DPYD: variants seen among roughly 807,000 people sequenced by gnomAD.
The protein encoded by DPYD is dihydropyrimidine dehydrogenase [NADP(+)].
Under a neutral mutation model 116.2 loss-of-function variants are expected in DPYD, and 109 were observed. The observed-to-expected ratio is 0.94, with a 90% CI of 0.80 to 1.10. The LOEUF is 1.10. Among genes scored for constraint, DPYD ranks in the 50% least tolerant of loss-of-function variants. The pLI is 0.00. For synonymous variants in DPYD, 440 were observed against 432.0 expected, an observed-to-expected ratio of 1.02 and a Z score of -0.23; for missense variants, 1,302 against 1,254.5, an observed-to-expected ratio of 1.04 and a Z score of -0.57.
At chr1:97,886,503 C>T (rs748205847) in intron 1 of DPYD, among the ~76,000 whole-genome samples, 9 of 152,032 alleles carry the variant, frequency 5.9e-5, no homozygotes, top group Admixed American at 1.3e-4. Context: ...AGAGATTGCA[C>T]ACAAGGAAGA....
chr1:97,803,085 T>C (rs1302202855), intron 3 of DPYD, among the ~76,000 whole-genome samples: 2 of 151,898 alleles, frequency 1.3e-5, no homozygotes, highest in Non-Finnish European at 2.9e-5. Context: ...AAACTAAATA[T>C]ATTAAATACT....
chr1:97,299,624 T>C (rs565785405), intron 18 of DPYD, among the ~76,000 whole-genome samples: 1 of 152,120 alleles, frequency 6.6e-6, no homozygotes, highest in Non-Finnish European at 1.5e-5. Flanking sequence ...TAAGCATCTA[T>C]GAATATGGCA....
chr1:97,837,979 T>C (rs1669848853), intron 2 of DPYD, among the ~76,000 whole-genome samples: 1 of 152,150 alleles, frequency 6.6e-6, no homozygotes, highest in Non-Finnish European at 1.5e-5. Flanking sequence ...ATTTTCTATA[T>C]TTCTTATTAA....
At chr1:97,410,449 C>A (rs149835984) in intron 14 of DPYD, among the ~76,000 whole-genome samples, 14 of 152,196 alleles carry the variant, frequency 9.2e-5, no homozygotes, top group African/African-American at 2.4e-4. Flanking sequence ...ATAAATTCAA[C>A]GATTATTTTG....
intron 14 of DPYD, among the ~76,000 whole-genome samples, chr1:97,384,302 A>G (rs72728442): frequency 0.19 from 28,801 of 151,110 alleles, 2,931 homozygotes; most frequent in South Asian, 0.37. Context: ...CATCAGGAGA[A>G]TAGAAAGTTG....
chr1:97,281,290 A>C (rs72726675), intron 18 of DPYD, among the ~76,000 whole-genome samples: 53 of 151,958 alleles, frequency 3.5e-4, no homozygotes, highest in African/African-American at 1.2e-3. Context: ...CCACATAGAA[A>C]AGAGCTGAGA....
intron 4 of DPYD, among the ~76,000 whole-genome samples, chr1:97,733,038 T>C (rs1236663047): frequency 6.6e-6 from 1 of 152,000 alleles, no homozygotes; most frequent in South Asian, 2.1e-4. Context: ...TATAGATAGG[T>C]AGGACAAAGA....
chr1:97,330,032 G>A (rs1018843377), intron 16 of DPYD, among the ~76,000 whole-genome samples: 6 of 151,684 alleles, frequency 4.0e-5, no homozygotes, highest in African/African-American at 1.2e-4. Context: ...TACAACTTTC[G>A]TTATTATGTA....
chr1:97,477,319 G>A (rs904894851), intron 13 of DPYD, among the ~76,000 whole-genome samples: 12 of 152,146 alleles, frequency 7.9e-5, no homozygotes, highest in African/African-American at 2.7e-4. Flanking sequence ...ATCCATCCAT[G>A]TTTTATCATG....
chr1:97,234,418 A>G (rs111656087), intron 19 of DPYD, among the ~76,000 whole-genome samples: 16 of 152,344 alleles, frequency 1.1e-4, no homozygotes, highest in Admixed American at 3.9e-4. Flanking sequence ...TTTAAAAGTT[A>G]TAAAGCTAAT....
intron 14 of DPYD, among the ~76,000 whole-genome samples, chr1:97,439,234 C>T (rs1675626052): frequency 6.6e-6 from 1 of 151,948 alleles, no homozygotes; most frequent in African/African-American, 2.4e-5. Context: ...TCTGGAGTTC[C>T]TTGTACTCTT....
intron 13 of DPYD, chr1:97,514,287 A>C: frequency 8.4e-6 from 8 of 950,372 alleles, no homozygotes; most frequent in Non-Finnish European, 1.0e-5. Flanking sequence ...GATGTCTCTG[A>C]TTAATCAGAA....
intron 20 of DPYD, among the ~76,000 whole-genome samples, chr1:97,104,471 T>G (rs900136594): frequency 1.1e-4 from 17 of 152,084 alleles, no homozygotes; most frequent in African/African-American, 3.6e-4. Context: ...GAGACTATAT[T>G]AATAACAATT....
At chr1:97,357,251 T>A (rs889271185) in intron 16 of DPYD, among the ~76,000 whole-genome samples, 2 of 152,172 alleles carry the variant, frequency 1.3e-5, no homozygotes, top group Admixed American at 1.3e-4. Flanking sequence ...GTTAAATGGA[T>A]TCCTTTTGAT....
chr1:97,716,971 G>A (rs1662651217), intron 5 of DPYD, among the ~76,000 whole-genome samples: 1 of 151,918 alleles, frequency 6.6e-6, no homozygotes, highest in East Asian at 1.9e-4. Context: ...AGTGTCAAAT[G>A]TGTATGGTGT....
At chr1:97,488,935 C>A (rs925050395) in intron 13 of DPYD, among the ~76,000 whole-genome samples, 2 of 152,202 alleles carry the variant, frequency 1.3e-5, no homozygotes, top group Admixed American at 1.3e-4. Flanking sequence ...AGCCCTGCTC[C>A]ACAACGAGCT....
chr1:97,449,950 T>G (rs1676316317), intron 14 of DPYD, 109 bp downstream of exon 14: 1 of 1,414,752 alleles, frequency 7.1e-7, no homozygotes, highest in Non-Finnish European at 9.8e-7. Context: ...TGGCAGATTC[T>G]TTAATAAAAT....
intron 20 of DPYD, among the ~76,000 whole-genome samples, chr1:97,102,915 G>A (rs1650852053): frequency 6.6e-6 from 1 of 151,914 alleles, no homozygotes; most frequent in Admixed American, 6.6e-5. Context: ...AATAATTGCA[G>A]AGAAAAATGA....
chr1:97,097,531 G>C lies in DPYD; in HGVS notation c.2766+958C>G, dbSNP rs565043852. Reference sequence around the variant, plus strand: ...CTGCAAACTACATTTTAGTGATGATGATTTCAGACAGAATGCCATCCAGTA... The same window carrying C: ...CTGCAAACTACATTTTAGTGATGATCATTTCAGACAGAATGCCATCCAGTA... On this transcript the variant is annotated intron_variant, in intron 21 of 22. Coordinates refer to ENST00000370192, the MANE Select transcript of DPYD (RefSeq NM_000110.4). Among the ~76,000 whole-genome samples, 112 of 152,218 alleles carry C rather than the reference G, an allele frequency of 7.4e-4. 1 individual carries two copies. Among genetic ancestry groups the C allele is most frequent in the African/African-American group, 2.6e-3 (106 of 41,558 alleles).
Sources: gnomAD v4.1 joint callset for allele counts (sites outside exome capture counted in the v4.1 genomes callset) on GRCh38, gnomAD v4.1.1 for gene constraint, MANE v1.5 for transcripts, NCBI Gene and HGNC (gene_info 2026-07-23, HGNC 2026-07-21) for gene names.